DAB2IP: variants seen among roughly 807,000 people sequenced by gnomAD.
DAB2IP encodes the protein disabled homolog 2-interacting protein.
Under a neutral mutation model 107.2 loss-of-function variants are expected in DAB2IP, and 28 were observed. The ratio of observed to expected loss-of-function variants is 0.26; its 90% CI spans 0.19 to 0.36. The LOEUF (loss-of-function observed/expected upper bound fraction) is 0.36. Ranked by LOEUF, DAB2IP falls within the 10% of genes least tolerant of loss-of-function variation. DAB2IP has a pLI of 1.00. For synonymous variants in DAB2IP, 755 were observed against 706.4 expected (o/e 1.07, Z -1.09); for missense variants, 1,400 against 1,644.7 (o/e 0.85, Z 2.57).
At chr9:121,691,317 G>A (rs895623250) in intron 2 of DAB2IP, among the ~76,000 whole-genome samples, 5 of 152,024 alleles carry the variant, frequency 3.3e-5, no homozygotes, top group Admixed American at 2.0e-4. Flanking sequence ...GGCCTAGTGT[G>A]GGGACATCCG....
chr9:121,719,976 C>T (rs1009301624), intron 3 of DAB2IP, among the ~76,000 whole-genome samples: 2 of 152,216 alleles, frequency 1.3e-5, no homozygotes, highest in Non-Finnish European at 2.9e-5. Context: ...TTGTTAGGTC[C>T]TAGGCATGTG....
intron 1 of DAB2IP, among the ~76,000 whole-genome samples, chr9:121,575,587 C>T (rs1830039118): frequency 6.6e-6 from 1 of 152,266 alleles, no homozygotes. Context: ...GACTCATGCT[C>T]AGGTTGCTGG....
rs1479905609 is a variant in DAB2IP at position 121,701,864 on chromosome 9, G to C, written c.362+2406G>C. Among the ~76,000 whole-genome samples the C allele has an allele frequency of 6.6e-6, 1 of 152,134 alleles. No homozygotes were observed. Among genetic ancestry groups the C allele is most frequent in the Non-Finnish European group, 1.5e-5 (1 of 68,034 alleles). ...TGTTGAAGGCTGGGAGGGCAGGATG[G>C]GCTGTCTTTGGCTTGGTTTAGCAGC... On this transcript the variant is annotated intron_variant, in intron 3 of 15. Coordinates refer to ENST00000408936, the Ensembl canonical transcript of DAB2IP. This position sits in a 1 kb window ranked among gnomAD's most constrained non-coding sequence, Gnocchi z 4.7.
chr9:121,609,901 G>C lies in DAB2IP; in HGVS notation c.40+42673G>C, dbSNP rs536570511. Reference sequence around the variant, plus strand: ...AGTTTTGCAGCCTTGGCTCCTCCTGGGGCTGGGAGCCAGCAACGCCAAGCC... The same window carrying C: ...AGTTTTGCAGCCTTGGCTCCTCCTGCGGCTGGGAGCCAGCAACGCCAAGCC... On this transcript the variant is annotated intron_variant, in intron 1 of 16. Coordinates refer to the DAB2IP transcript ENST00000259371. 1.1e-3 allele frequency among the ~76,000 whole-genome samples: 162 copies of C among 152,288 alleles called. 1 individual carries two copies. Among genetic ancestry groups the C allele is most frequent in the African/African-American group, 3.7e-3 (154 of 41,562 alleles).
chr9:121,671,982 G>A (rs952382386), intron 1 of DAB2IP, among the ~76,000 whole-genome samples: 6 of 152,152 alleles, frequency 3.9e-5, no homozygotes, highest in South Asian at 4.1e-4. Context: ...ATGTGTTGTC[G>A]GTTCCTACTG....
chr9:121,731,528 G>A (rs879786131), intron 3 of DAB2IP, among the ~76,000 whole-genome samples: 1 of 152,236 alleles, frequency 6.6e-6, no homozygotes, highest in Non-Finnish European at 1.5e-5. Flanking sequence ...TAGAATTGCT[G>A]TCTGGTTACA....
chr9:121,593,906 G>A (rs562813146), intron 1 of DAB2IP, among the ~76,000 whole-genome samples: 2 of 151,956 alleles, frequency 1.3e-5, no homozygotes, highest in African/African-American at 2.4e-5. Flanking sequence ...GACCTCAGGT[G>A]ATCTGCCTGC....
chr9:121,608,614 A>G (rs953385037), intron 1 of DAB2IP, among the ~76,000 whole-genome samples: 4 of 152,182 alleles, frequency 2.6e-5, no homozygotes, highest in Non-Finnish European at 4.4e-5. Context: ...CTAGAATGCT[A>G]TGATAAGGAT....
chr9:121,671,702 A>G (rs1201520630), intron 1 of DAB2IP, among the ~76,000 whole-genome samples: 1 of 152,130 alleles, frequency 6.6e-6, no homozygotes, highest in African/African-American at 2.4e-5. Context: ...ACTCGACATC[A>G]TATTTCTGAG....
chr9:121,777,603 C>T (rs1182612259), intron 14 of DAB2IP, among the ~76,000 whole-genome samples: 2 of 152,228 alleles, frequency 1.3e-5, no homozygotes, highest in Admixed American at 6.5e-5. Context: ...ATATTTCCTC[C>T]TTAATGTAAA....
At position 121,770,674 on chromosome 9, in the gene DAB2IP, CA is replaced by C. The variant is rs1834655720; in HGVS notation, c.2029del (p.Ser677AlafsTer10). 3 of 1,614,074 alleles carry C rather than the reference CA, an allele frequency of 1.9e-6. No homozygotes were observed. In the African/African-American group the frequency reaches 4.0e-5, roughly 22 times the overall value. The stretch of plus-strand genomic sequence containing the variant: ...CCTCCACACCGGGCTCTGGCAGCAG[CA>C]GCATCTCAGCTGGGCTGCAGAAGAT... On this transcript the variant is annotated frameshift_variant, in exon 11 of 16. Transcript: ENST00000408936. LOFTEE classifies it high-confidence loss of function.
rs1833235188 is a variant in DAB2IP, at chr9:121,662,081, CACCA to C, written c.124+10184_124+10187del. On this transcript the variant is annotated intron_variant, in intron 1 of 15. Transcript: ENST00000408936. The surrounding 1 kb of genome is among the most constrained non-coding windows in gnomAD (Gnocchi z 4.6). ...TAAAAATCACCTTTAATCCAGCACC[CACCA>C]ATAAGCTCTGGGATCACTGGGGGGT... Among the ~76,000 whole-genome samples, 2 of 152,174 alleles carry C rather than the reference CACCA, an allele frequency of 1.3e-5. No homozygotes were observed. Among genetic ancestry groups the C allele is most frequent in the African/African-American group, 4.8e-5 (2 of 41,446 alleles).
chr9:121,688,665 A>G (rs1239095591), intron 2 of DAB2IP, among the ~76,000 whole-genome samples: 1 of 152,032 alleles, frequency 6.6e-6, no homozygotes, highest in African/African-American at 2.4e-5. Flanking sequence ...TGTCTCTCCC[A>G]CCAGACGGTG....
chr9:121,695,736 C>T (rs1829389006), intron 2 of DAB2IP, among the ~76,000 whole-genome samples: 2 of 152,102 alleles, frequency 1.3e-5, no homozygotes, highest in African/African-American at 2.4e-5. Context: ...GAGCTAGGCC[C>T]GACACATGTC....
intron 3 of DAB2IP, among the ~76,000 whole-genome samples, chr9:121,731,048 C>T (rs760219077): frequency 6.6e-5 from 10 of 152,196 alleles, no homozygotes; most frequent in Non-Finnish European, 1.5e-4. Context: ...TGGAAATGCT[C>T]CTGCAGTCTC....
rs990743835 is a variant in DAB2IP, at chr9:121,698,558, C to T, written c.229-767C>T. On this transcript the variant is annotated intron_variant, in intron 2 of 15. Coordinates refer to ENST00000408936, the Ensembl canonical transcript of DAB2IP. This position sits in a 1 kb window ranked among gnomAD's most constrained non-coding sequence, Gnocchi z 4.1. The stretch of plus-strand genomic sequence containing the variant: ...ATACTCAGCAAACCCTTCAGCCCCT[C>T]GGGCCCCTCCCTGAGCTGAGCACTA... 2.0e-5 allele frequency among the ~76,000 whole-genome samples: 3 copies of T among 152,190 alleles called. No individual in the cohort carries two copies. The highest frequency in any genetic ancestry group is 7.2e-5 in the African/African-American group (3 of 41,452).
At chr9:121,678,544 T>C (rs1168560860) in intron 1 of DAB2IP, 134 bp from the exon 2 acceptor site, 5 of 637,718 alleles carry the variant, frequency 7.8e-6, no homozygotes, top group Non-Finnish European at 1.2e-5. Context: ...ACTGCCAGAC[T>C]TTTCCATAGT....
intron 5 of DAB2IP, 77 bp downstream of exon 5, chr9:121,759,073 T>C (rs972365774): frequency 6.9e-7 from 1 of 1,444,482 alleles, no homozygotes; most frequent in Admixed American, 2.0e-5. Context: ...AGAGACTATC[T>C]CTGTGGTGTG....
rs1564128444 is a variant in DAB2IP at position 121,641,965 on chromosome 9, TCTCTC to T, written c.41-36712_41-36708del. On this transcript the variant is annotated intron_variant, in intron 1 of 16. Transcript: ENST00000259371. ...TCTTTCTTTCCTTTCTTTCTTTCTC[TCTCTC>T]TCTTTCTTTCTTTCTTTCTTTCCTT... 9.4e-3 allele frequency among the ~76,000 whole-genome samples: 1,277 copies of T among 135,632 alleles called. 28 individuals carry two copies. Among genetic ancestry groups the T allele is most frequent in the African/African-American group, 0.025 (857 of 34,300 alleles). The allele number at this position is 135,632 out of a possible 152,430, so 89.0% of individuals were successfully genotyped here.
Sources: gnomAD v4.1 joint callset for allele counts (sites outside exome capture counted in the v4.1 genomes callset) on GRCh38, gnomAD v4.1.1 for gene constraint, Gnocchi (gnomAD v3.1) non-coding constraint, MANE v1.5 for transcripts, NCBI Gene and HGNC (gene_info 2026-07-23, HGNC 2026-07-21) for gene names.